SH3BGRL2: variants seen among roughly 807,000 people sequenced by gnomAD.
SH3BGRL2 encodes the protein SH3 domain binding glutamate rich protein like 2, also known as SH3 domain-binding glutamic acid-rich-like protein 2.
In SH3BGRL2, 21 loss-of-function variants were observed where a neutral mutation model predicts 14.8. The ratio of observed to expected loss-of-function variants is 1.42; its 90% CI spans 1.01 to 2.05. The LOEUF is 2.05. Among genes scored for constraint, SH3BGRL2 ranks in the 30% most tolerant of loss-of-function variants. The probability of loss-of-function intolerance (pLI) is 0.00; values close to 1 mark genes in which losing one functional copy is unlikely to be tolerated. For missense variants in SH3BGRL2, 147 were observed against 130.8 expected (o/e 1.12, Z -0.61); for synonymous variants, 50 against 47.8 (o/e 1.05, Z -0.19).
the SH3BGRL2 span, among the ~76,000 whole-genome samples, chr6:79,548,588 C>T: frequency 6.6e-6 from 1 of 152,178 alleles, no homozygotes; most frequent in Non-Finnish European, 1.5e-5. Flanking sequence ...ATGTCCTTGC[C>T]TTCTAGAATG....
chr6:79,696,520 C>T lies in SH3BGRL2; in HGVS notation c.267C>T (p.Asn89=). The T allele has an allele frequency of 6.3e-7, 1 of 1,577,786 alleles. No individual in the cohort carries two copies. The part of the protein sequence containing the change: ...YDSFFESKES[N]TVFSFLGLKP... ...GTTTTTTTGAATCCAAGGAAAGCAA[C>T]ACAGTCTTTTCATTTTTAGGCCTGA... is the stretch of plus-strand genomic sequence containing the variant. Residue 89 remains asparagine (N), a synonymous_variant, in exon 3 of 4, where the codon AAC becomes AAT. Transcript: ENST00000369838.
the SH3BGRL2 span, among the ~76,000 whole-genome samples, chr6:79,594,654 G>A: frequency 6.6e-6 from 1 of 152,094 alleles, no homozygotes; most frequent in Non-Finnish European, 1.5e-5. Flanking sequence ...GGTAGATGAG[G>A]CAGCAGCTTC....
At chr6:79,632,630 C>T (rs1185271048) in intron 1 of SH3BGRL2, among the ~76,000 whole-genome samples, 1 of 152,022 alleles carries the variant, frequency 6.6e-6, no homozygotes, top group East Asian at 1.9e-4. Flanking sequence ...AAAAAGAAAC[C>T]AACACGATCA....
At chr6:79,699,364 A>T in intron 3 of SH3BGRL2, 134 bp from the exon 4 acceptor site, 1 of 1,041,998 alleles carries the variant, frequency 9.6e-7, no homozygotes, top group Non-Finnish European at 1.3e-6. Flanking sequence ...TATCAATCAC[A>T]TGGAGGTGAT....
chr6:79,660,076 C>T (rs1048978757), intron 1 of SH3BGRL2, among the ~76,000 whole-genome samples: 7 of 152,108 alleles, frequency 4.6e-5, no homozygotes, highest in Non-Finnish European at 7.4e-5. Context: ...ACAATCATGC[C>T]GTCTGCAAAC....
intron 1 of SH3BGRL2, among the ~76,000 whole-genome samples, chr6:79,658,388 C>T (rs1180937022): frequency 3.9e-5 from 6 of 152,106 alleles, no homozygotes; most frequent in Non-Finnish European, 8.8e-5. Context: ...TGAGAACATG[C>T]GTTGTTTGGT....
intron 1 of SH3BGRL2, among the ~76,000 whole-genome samples, chr6:79,657,444 G>C (rs1236730691): frequency 6.6e-6 from 1 of 152,172 alleles, no homozygotes; most frequent in African/African-American, 2.4e-5. Flanking sequence ...ACCAGAAGAG[G>C]ATGTGGCTCT....
the SH3BGRL2 span, among the ~76,000 whole-genome samples, chr6:79,588,033 G>C: frequency 0.99 from 150,176 of 152,156 alleles, 74,132 homozygotes; most frequent in East Asian, 1. Context: ...GTGGCTCATG[G>C]CTGTAATCCC....
the SH3BGRL2 span, among the ~76,000 whole-genome samples, chr6:79,538,034 T>G: frequency 5.6e-4 from 77 of 136,336 alleles, 3 homozygotes; most frequent in East Asian, 0.014. Flanking sequence ...TTTTTTTTTT[T>G]TTTTTTTTTT....
the SH3BGRL2 span, among the ~76,000 whole-genome samples, chr6:79,587,225 G>A: frequency 3.9e-5 from 6 of 152,046 alleles, no homozygotes; most frequent in African/African-American, 1.4e-4. Flanking sequence ...CCAAAACTTG[G>A]AGAATTTTTA....
the SH3BGRL2 span, among the ~76,000 whole-genome samples, chr6:79,590,114 C>T: frequency 6.6e-6 from 1 of 151,914 alleles, no homozygotes; most frequent in African/African-American, 2.4e-5. Context: ...TCTGCAAAAC[C>T]AGTCAGAATG....
intron 1 of SH3BGRL2, among the ~76,000 whole-genome samples, chr6:79,652,708 G>T (rs551223987): frequency 1.3e-5 from 2 of 152,012 alleles, no homozygotes; most frequent in Admixed American, 6.6e-5. Flanking sequence ...AAGGAGGGGG[G>T]ACCCAGTGGA....
the SH3BGRL2 span, among the ~76,000 whole-genome samples, chr6:79,547,059 T>C: frequency 2.0e-5 from 3 of 152,126 alleles, no homozygotes; most frequent in Admixed American, 2.0e-4. Context: ...TTTCCCGTTG[T>C]TCATGAGGCA....
At chr6:79,596,334 T>G in the SH3BGRL2 span, among the ~76,000 whole-genome samples, 1 of 151,722 alleles carries the variant, frequency 6.6e-6, no homozygotes, top group Non-Finnish European at 1.5e-5. Context: ...TGTTAAAAAA[T>G]TTTTTTGTAG....
At chr6:79,635,312 T>G (rs1768901859) in intron 1 of SH3BGRL2, among the ~76,000 whole-genome samples, 1 of 152,244 alleles carries the variant, frequency 6.6e-6, no homozygotes, top group Admixed American at 6.5e-5. Flanking sequence ...AAAGGAAATT[T>G]AGGCATAGAG....
chr6:79,619,898 A>G, the SH3BGRL2 span, among the ~76,000 whole-genome samples: 9,053 of 152,308 alleles, frequency 0.059, 895 homozygotes, highest in African/African-American at 0.2. Context: ...TTTTACTAAC[A>G]TTTAGAAGTC....
the SH3BGRL2 span, among the ~76,000 whole-genome samples, chr6:79,572,977 G>T: frequency 6.6e-6 from 1 of 152,106 alleles, no homozygotes. Context: ...GGTGTCTTTA[G>T]ATGCACAGAC....
the SH3BGRL2 span, among the ~76,000 whole-genome samples, chr6:79,609,505 G>A: frequency 1.3e-4 from 20 of 151,968 alleles, no homozygotes; most frequent in East Asian, 1.2e-3. Flanking sequence ...TCTTTCTTTC[G>A]TTCCTCAGCT....
the SH3BGRL2 span, among the ~76,000 whole-genome samples, chr6:79,539,901 T>C: frequency 1.3e-5 from 2 of 152,200 alleles, no homozygotes; most frequent in Non-Finnish European, 2.9e-5. Context: ...TTTCATACCA[T>C]TCTACAAAAG....
Sources: gnomAD v4.1 joint callset for allele counts (sites outside exome capture counted in the v4.1 genomes callset) on GRCh38, gnomAD v4.1.1 for gene constraint, MANE v1.5 for transcripts, NCBI Gene and HGNC (gene_info 2026-07-23, HGNC 2026-07-21) for gene names.